The following RIMBP2 variants were observed in gnomAD, a reference collection of about 807,000 sequenced individuals.
RIMBP2 encodes RIMS binding protein 2.
In RIMBP2, 48 loss-of-function variants were observed where a neutral mutation model predicts 118.6. The observed-to-expected ratio is 0.40, with a 90% CI of 0.32 to 0.51. The LOEUF (loss-of-function observed/expected upper bound fraction) is 0.51. Ranked by LOEUF, RIMBP2 falls within the 20% of genes least tolerant of loss-of-function variation. The pLI is 0.41. For missense variants in RIMBP2, 1,551 were observed against 1,768.3 expected, an observed-to-expected ratio of 0.88 and a Z score of 2.20; for synonymous variants, 762 against 742.9, an observed-to-expected ratio of 1.03 and a Z score of -0.42.
chr12:130,708,226 G>A (rs1949641634), intron 1 of RIMBP2, among the ~76,000 whole-genome samples: 1 of 152,198 alleles, frequency 6.6e-6, no homozygotes, highest in South Asian at 2.1e-4. Context: ...CCAGGGCTGG[G>A]AGGAGAGGAG....
intron 1 of RIMBP2, chr12:130,657,750 G>A (rs901290571): frequency 3.3e-5 from 4 of 121,502 alleles, no homozygotes; most frequent in Non-Finnish European, 7.5e-5. Context: ...GGGGCAGTGA[G>A]GGCGGAGGAT....
chr12:130,525,746 T>C lies in RIMBP2; in HGVS notation c.-216-7829A>G, dbSNP rs564331779. On this transcript the variant is annotated intron_variant, in intron 2 of 22. Transcript: ENST00000690449. The surrounding 1 kb of genome is among the most constrained non-coding windows in gnomAD (Gnocchi z 4.4). ...ATGTTGGATGATGCAGCAGCTTTGA[T>C]CCCCTGGGCTTCTACGCTGGGCCAA... Among the ~76,000 whole-genome samples the C allele has an allele frequency of 6.6e-6, 1 of 152,246 alleles. No individual in the cohort carries two copies. The highest frequency in any genetic ancestry group is 2.1e-4 in the South Asian group (1 of 4,824).
intron 1 of RIMBP2, chr12:130,657,867 A>C (rs972829763): frequency 2.0e-5 from 3 of 152,238 alleles, no homozygotes; most frequent in Non-Finnish European, 4.4e-5. Flanking sequence ...CAGCTACCCA[A>C]CGAGTTGTTT....
chr12:130,518,181 C>A (rs897416371), intron 2 of RIMBP2, among the ~76,000 whole-genome samples: 4 of 152,126 alleles, frequency 2.6e-5, no homozygotes, highest in African/African-American at 2.4e-5. Context: ...GTGTCTGTGT[C>A]CTAAAAAAGC....
intron 2 of RIMBP2, among the ~76,000 whole-genome samples, chr12:130,544,131 A>C (rs946437511): frequency 1.3e-5 from 2 of 152,118 alleles, no homozygotes; most frequent in Non-Finnish European, 2.9e-5. Flanking sequence ...CTCTCCATTT[A>C]TCCATATCCT....
At chr12:130,650,047 T>G (rs1267215323) in intron 1 of RIMBP2, among the ~76,000 whole-genome samples, 1 of 148,790 alleles carries the variant, frequency 6.7e-6, no homozygotes, top group Non-Finnish European at 1.5e-5. Flanking sequence ...AAACCAAACC[T>G]GAGGACCTGC....
chr12:130,637,855 G>T (rs1246364375), intron 1 of RIMBP2, among the ~76,000 whole-genome samples: 2 of 152,200 alleles, frequency 1.3e-5, no homozygotes, highest in South Asian at 2.1e-4. Context: ...CCTGGGTCCT[G>T]CCGGCTTTAC....
intron 12 of RIMBP2, among the ~76,000 whole-genome samples, chr12:130,437,968 G>A (rs1484324590): frequency 6.6e-6 from 1 of 152,208 alleles, no homozygotes; most frequent in East Asian, 1.9e-4. Flanking sequence ...TGGAGTCAAG[G>A]CCTGGTCACC....
chr12:130,565,447 A>G (rs745312178), intron 2 of RIMBP2, among the ~76,000 whole-genome samples: 5 of 152,172 alleles, frequency 3.3e-5, no homozygotes, highest in Non-Finnish European at 5.9e-5. Context: ...TGCATCAATG[A>G]TGTTGTTTCA....
rs568015402 is a variant in RIMBP2 at position 130,397,755 on chromosome 12, G to A, written c.3901-206C>T. On this transcript the variant is annotated intron_variant, in intron 22 of 22. Transcript: ENST00000690449. ...CCCCAGACATAAATGTGTGGGTTCC[G>A]TTTCTCTGTCTCGAGGGAGTGCGGG... is the stretch of plus-strand genomic sequence containing the variant. 3.9e-4 allele frequency: 146 copies of A among 369,826 alleles called. 1 individual carries two copies. The Middle Eastern group carries it at 8.4e-3, about 21-fold the overall frequency. 22.9% of individuals were successfully genotyped at this position (369,826 alleles called of 1,614,324 possible).
intron 1 of RIMBP2, among the ~76,000 whole-genome samples, chr12:130,671,781 C>T (rs1357532282): frequency 7.0e-6 from 1 of 142,658 alleles, no homozygotes; most frequent in Non-Finnish European, 1.5e-5. Flanking sequence ...GCAAAATCAT[C>T]CGGTTGAGAA....
intron 4 of RIMBP2, among the ~76,000 whole-genome samples, chr12:130,506,053 T>TA (rs3215243): frequency 6.6e-6 from 1 of 150,862 alleles, no homozygotes; most frequent in South Asian, 2.1e-4. Context: ...TTTATTTTTG[T>TA]AAAAAAATGT....
intron 1 of RIMBP2, among the ~76,000 whole-genome samples, chr12:130,646,401 GCCTCTCCACCTC>G (rs796572913): frequency 1.5e-4 from 1 of 6,598 alleles, no homozygotes; most frequent in Non-Finnish European, 2.8e-4. Flanking sequence ...CTCACCACCT[GCCTCTCCACCTC>G]CCTCACCACT....
At chr12:130,606,263 G>GA (rs774296357) in intron 2 of RIMBP2, among the ~76,000 whole-genome samples, 7 of 152,162 alleles carry the variant, frequency 4.6e-5, no homozygotes, top group Non-Finnish European at 1.0e-4. Flanking sequence ...ATGTTTCTGA[G>GA]AAAAAACGTT....
intron 1 of RIMBP2, among the ~76,000 whole-genome samples, chr12:130,685,004 G>A (rs1388867168): frequency 6.6e-6 from 1 of 152,102 alleles, no homozygotes; most frequent in Non-Finnish European, 1.5e-5. Context: ...TAACATTTTT[G>A]TCAACATGAG....
intron 2 of RIMBP2, among the ~76,000 whole-genome samples, chr12:130,568,584 C>T (rs1450965314): frequency 1.3e-5 from 2 of 152,202 alleles, no homozygotes; most frequent in Non-Finnish European, 1.5e-5. Context: ...CAAGCTCTGC[C>T]GCTCAGGAGA....
chr12:130,588,918 G>A (rs564590521), intron 2 of RIMBP2, among the ~76,000 whole-genome samples: 1 of 152,320 alleles, frequency 6.6e-6, no homozygotes, highest in African/African-American at 2.4e-5. Flanking sequence ...TTTGGTAGCT[G>A]CAAGCCCCAC....
At chr12:130,610,499 A>G (rs917061179) in intron 2 of RIMBP2, among the ~76,000 whole-genome samples, 1 of 151,348 alleles carries the variant, frequency 6.6e-6, no homozygotes, top group Non-Finnish European at 1.5e-5. Flanking sequence ...GTGTCCTAGC[A>G]ATGTACAAGA....
intron 2 of RIMBP2, among the ~76,000 whole-genome samples, chr12:130,596,820 CTAAG>C (rs2059589504): frequency 6.6e-6 from 1 of 152,172 alleles, no homozygotes; most frequent in African/African-American, 2.4e-5. Flanking sequence ...TATATCTGAA[CTAAG>C]TATTTCTACA....
Sources: allele counts gnomAD v4.1 joint callset (sites outside exome capture counted in the v4.1 genomes callset), GRCh38; gene constraint gnomAD v4.1.1; non-coding constraint Gnocchi (gnomAD v3.1); transcripts MANE v1.5; gene names NCBI Gene and HGNC (gene_info 2026-07-23, HGNC 2026-07-21).